Variants in GSE1 observed in about 807,000 individuals in gnomAD.
GSE1 encodes the protein genetic suppressor element 1.
A neutral mutation model predicts 112.6 loss-of-function variants in GSE1; 32 were observed. That is an observed-to-expected ratio of 0.28 (90% CI 0.21 to 0.38). GSE1 has a LOEUF of 0.38. Ranked by LOEUF, GSE1 falls within the 10% of genes least tolerant of loss-of-function variation. The pLI, the probability that GSE1 is intolerant of heterozygous loss-of-function variation, is 1.00. For synonymous variants in GSE1, 1,115 were observed against 735.6 expected (o/e 1.52, Z -8.35); for missense variants, 2,348 against 1,699.2 (o/e 1.38, Z -6.71).
intron 1 of GSE1, among the ~76,000 whole-genome samples, chr16:85,331,905 C>A (rs1040825198): frequency 6.6e-6 from 1 of 151,822 alleles, no homozygotes; most frequent in African/African-American, 2.4e-5. Context: ...AAGCTTGAGG[C>A]GCAGGGCCTA....
intron 1 of GSE1, among the ~76,000 whole-genome samples, chr16:85,292,364 C>G (rs1019731534): frequency 8.4e-5 from 12 of 142,022 alleles, no homozygotes; most frequent in Non-Finnish European, 1.8e-4. Flanking sequence ...GAGTCTTGCT[C>G]TGTCAACAGG....
chr16:85,208,243 C>T (rs966549199), intron 1 of GSE1, among the ~76,000 whole-genome samples: 6 of 152,150 alleles, frequency 3.9e-5, no homozygotes, highest in African/African-American at 9.7e-5. Context: ...TCTTGAGCTC[C>T]GGATGGAGAG....
At chr16:85,609,756 G>T (rs960109155), upstream of GSE1, among the ~76,000 whole-genome samples, 4 of 152,238 alleles carry the variant, frequency 2.6e-5, no homozygotes, top group Admixed American at 2.0e-4. Flanking sequence ...CTGGGCTCAA[G>T]GGATCCTCCT....
chr16:85,671,677 G>C (rs949541374), intron 15 of GSE1, among the ~76,000 whole-genome samples: 2 of 152,160 alleles, frequency 1.3e-5, no homozygotes, highest in African/African-American at 4.8e-5. Flanking sequence ...TATCGATCCT[G>C]GAAGGGTAGG....
intron 1 of GSE1, among the ~76,000 whole-genome samples, chr16:85,591,353 G>T (rs551585383): frequency 6.6e-6 from 1 of 152,206 alleles, no homozygotes; most frequent in Non-Finnish European, 1.5e-5. Context: ...AGAACTGAGG[G>T]CCCCAACTCA....
upstream of GSE1, among the ~76,000 whole-genome samples, chr16:85,554,261 T>C (rs941366760): frequency 2.0e-5 from 3 of 152,102 alleles, no homozygotes; most frequent in African/African-American, 7.2e-5. Flanking sequence ...TTTTTTCCCC[T>C]TCGATTTGGG....
At position 85,533,526 on chromosome 16, in the gene GSE1, T is replaced by C. The variant is rs118179619; in HGVS notation, c.2465-100388T>C. On this transcript the variant is annotated intron_variant, in intron 2 of 2. Coordinates refer to the GSE1 transcript ENST00000637419. Reference sequence around the variant, plus strand: ...TAAAAATGACTCAAATAAATATGCATATGTTGGAAGATGGGTGTTCAAAGT... The same window carrying C: ...TAAAAATGACTCAAATAAATATGCACATGTTGGAAGATGGGTGTTCAAAGT... Among the ~76,000 whole-genome samples, 37 of 152,188 alleles carry C rather than the reference T, an allele frequency of 2.4e-4. No individual in the cohort carries two copies. In the East Asian group the frequency reaches 6.8e-3, roughly 28 times the overall value.
At chr16:85,191,937 C>T (rs556330105) in intron 1 of GSE1, among the ~76,000 whole-genome samples, 6 of 152,044 alleles carry the variant, frequency 3.9e-5, no homozygotes, top group Non-Finnish European at 8.8e-5. Flanking sequence ...CATGGGTGGG[C>T]GTGTGCAGAG....
chr16:85,589,850 G>T (rs2046902242), intron 1 of GSE1, among the ~76,000 whole-genome samples: 1 of 152,030 alleles, frequency 6.6e-6, no homozygotes. Context: ...GAACATGTGT[G>T]AGATATTGTG....
At chr16:85,660,682 G>A (rs1035488850) in intron 8 of GSE1, among the ~76,000 whole-genome samples, 1 of 151,936 alleles carries the variant, frequency 6.6e-6, no homozygotes, top group Non-Finnish European at 1.5e-5. Context: ...CTAGGCTGGA[G>A]TGCAATGGCA....
chr16:85,632,225 G>A (rs990312911), intron 1 of GSE1, among the ~76,000 whole-genome samples: 4 of 152,352 alleles, frequency 2.6e-5, no homozygotes, highest in South Asian at 2.1e-4. Flanking sequence ...CACGGCCACG[G>A]CGCCACCTGG....
At chr16:85,189,319 C>T (rs1221866386) in intron 1 of GSE1, among the ~76,000 whole-genome samples, 1 of 152,132 alleles carries the variant, frequency 6.6e-6, no homozygotes, top group Non-Finnish European at 1.5e-5. Flanking sequence ...TGTGTAAGCC[C>T]TGTTTCTCCA....
rs143615928 is a variant in GSE1 at position 85,336,641 on chromosome 16, G to A, written c.2284-20822G>A. Among the ~76,000 whole-genome samples, 585 of 147,046 alleles carry A rather than the reference G, an allele frequency of 4.0e-3. 2 individuals are homozygous for A. Among genetic ancestry groups the A allele is most frequent in the African/African-American group, 0.014 (560 of 39,518 alleles). ...TTTCGAGTTGAAGTCTCACTTCATC[G>A]CCCAGGCTGGAGTGCAGTGGTGTGA... On this transcript the variant is annotated intron_variant, in intron 1 of 2. Transcript: ENST00000637419.
chr16:85,170,760 C>A, exon 1 of GSE1: 1 of 985,520 alleles, frequency 1.0e-6, no homozygotes, highest in Non-Finnish European at 1.2e-6. Flanking sequence ...GGGCACAGCC[C>A]ATCAGCGAGG....
At chr16:85,171,179 A>T (rs1437360392) in exon 1 of GSE1, 2 of 985,616 alleles carry the variant, frequency 2.0e-6, no homozygotes, top group South Asian at 9.4e-5. Flanking sequence ...CGGGCCTGCC[A>T]GAACGAGGAG....
At chr16:85,258,304 A>G (rs1907296423) in intron 1 of GSE1, among the ~76,000 whole-genome samples, 1 of 152,198 alleles carries the variant, frequency 6.6e-6, no homozygotes, top group South Asian at 2.1e-4. Flanking sequence ...GGCTGGAGTC[A>G]CACAGACTGA....
intron 2 of GSE1, among the ~76,000 whole-genome samples, chr16:85,432,343 TG>T (rs2049142112): frequency 6.6e-6 from 1 of 152,346 alleles, no homozygotes; most frequent in African/African-American, 2.4e-5. Flanking sequence ...CGTATTGAAG[TG>T]AAACCTCCTC....
chr16:85,531,806 C>T (rs990060512), intron 2 of GSE1, among the ~76,000 whole-genome samples: 10 of 152,314 alleles, frequency 6.6e-5, no homozygotes, highest in Admixed American at 2.6e-4. Context: ...GTGCTGGGCG[C>T]AGGACAGGAA....
chr16:85,590,643 G>C (rs912718072), intron 1 of GSE1, among the ~76,000 whole-genome samples: 1 of 152,180 alleles, frequency 6.6e-6, no homozygotes. Flanking sequence ...GCCTGTGTGT[G>C]AGCGTGTGTG....
Sources: allele counts gnomAD v4.1 joint callset (sites outside exome capture counted in the v4.1 genomes callset), GRCh38; gene constraint gnomAD v4.1.1; transcripts MANE v1.5; gene names NCBI Gene and HGNC (gene_info 2026-07-23, HGNC 2026-07-21).